MGST2: variants seen among roughly 807,000 people sequenced by gnomAD.
The protein encoded by MGST2 is glutathione peroxidase MGST2.
A neutral mutation model predicts 16.6 loss-of-function variants in MGST2; 9 were observed. That is an observed-to-expected ratio of 0.54 (90% confidence interval 0.33 to 0.95). The LOEUF (loss-of-function observed/expected upper bound fraction) is 0.95, where lower values mean the gene tolerates loss of function less well. Among genes scored for constraint, MGST2 ranks in the 40% least tolerant of loss-of-function variants. The pLI is 0.03. For missense variants in MGST2, 159 were observed against 175.1 expected, an observed-to-expected ratio of 0.91 and a Z score of 0.52; for synonymous variants, 79 against 68.0, an observed-to-expected ratio of 1.16 and a Z score of -0.79.
At chr4:139,746,293 AT>A in the MGST2 span, among the ~76,000 whole-genome samples, 2 of 152,262 alleles carry the variant, frequency 1.3e-5, no homozygotes, top group Non-Finnish European at 2.9e-5. Flanking sequence ...TTCTAACAAA[AT>A]AATTCATCAG....
intron 5 of MGST2, among the ~76,000 whole-genome samples, chr4:139,732,143 T>G (rs1728750203): frequency 6.6e-6 from 1 of 152,236 alleles, no homozygotes; most frequent in Admixed American, 6.5e-5. Context: ...ATTTAAAAAT[T>G]TTTAAATCCA....
At chr4:139,723,950 A>G (rs1353427629) in intron 5 of MGST2, among the ~76,000 whole-genome samples, 1 of 152,230 alleles carries the variant, frequency 6.6e-6, no homozygotes, top group East Asian at 1.9e-4. Context: ...TGGTGCTTTC[A>G]GTGCAGGCTA....
downstream of MGST2, among the ~76,000 whole-genome samples, chr4:139,745,484 A>C (rs1400747517): frequency 1.3e-5 from 2 of 152,164 alleles, no homozygotes; most frequent in Admixed American, 1.3e-4. Context: ...GAGATTTGGC[A>C]CTTGACTGTG....
At chr4:139,707,822 T>G (rs1320838367), downstream of MGST2, among the ~76,000 whole-genome samples, 1 of 152,160 alleles carries the variant, frequency 6.6e-6, no homozygotes, top group African/African-American at 2.4e-5. Flanking sequence ...ATGAGCATTT[T>G]TTCATGTATT....
downstream of MGST2, among the ~76,000 whole-genome samples, chr4:139,743,983 C>G (rs1729239567): frequency 6.6e-6 from 1 of 152,240 alleles, no homozygotes; most frequent in East Asian, 1.9e-4. Context: ...CTGCCATGGT[C>G]ATTGTCACTA....
chr4:139,748,355 C>T, the MGST2 span, among the ~76,000 whole-genome samples: 1 of 152,118 alleles, frequency 6.6e-6, no homozygotes, highest in Admixed American at 6.5e-5. Flanking sequence ...GCTCACACCC[C>T]AAAACAGAGT....
At chr4:139,696,207 A>G (rs942186881) in intron 3 of MGST2, among the ~76,000 whole-genome samples, 1 of 152,214 alleles carries the variant, frequency 6.6e-6, no homozygotes, top group Admixed American at 6.5e-5. Context: ...AGGGTGGCAG[A>G]GTCAGAAAAG....
chr4:139,748,790 G>A, the MGST2 span, among the ~76,000 whole-genome samples: 2 of 152,102 alleles, frequency 1.3e-5, no homozygotes. Context: ...CAGTAGAAAG[G>A]CAGGGAAAAG....
the MGST2 span, among the ~76,000 whole-genome samples, chr4:139,753,780 T>C: frequency 6.6e-6 from 1 of 152,106 alleles, no homozygotes; most frequent in South Asian, 2.1e-4. Flanking sequence ...ATCTCTCCTT[T>C]CTCTCATGCA....
At chr4:139,737,557 AT>A (rs142347866) in intron 5 of MGST2, among the ~76,000 whole-genome samples, 2 of 151,762 alleles carry the variant, frequency 1.3e-5, no homozygotes, top group African/African-American at 4.8e-5. Context: ...AATATGCATC[AT>A]TTTTTTTAAT....
At chr4:139,730,507 C>T (rs769896163) in intron 5 of MGST2, 38 of 1,556,362 alleles carry the variant, frequency 2.4e-5, no homozygotes, top group South Asian at 5.9e-5. Flanking sequence ...CAACTGGGCC[C>T]GCTGATCAAT....
At chr4:139,703,778 A>C (rs1727402274) in intron 4 of MGST2, among the ~76,000 whole-genome samples, 1 of 152,254 alleles carries the variant, frequency 6.6e-6, no homozygotes, top group African/African-American at 2.4e-5. Flanking sequence ...CATTGTCTCC[A>C]GAAAGTTACC....
the MGST2 span, among the ~76,000 whole-genome samples, chr4:139,752,249 G>A: frequency 6.6e-6 from 1 of 152,194 alleles, no homozygotes; most frequent in African/African-American, 2.4e-5. Flanking sequence ...CAGAACTATG[G>A]TGTGCCATCA....
chr4:139,714,545 C>T (rs968244176), intron 5 of MGST2, among the ~76,000 whole-genome samples: 5 of 152,096 alleles, frequency 3.3e-5, no homozygotes, highest in Admixed American at 2.0e-4. Context: ...GCAAAATACG[C>T]GTAATAAAAC....
chr4:139,751,293 T>C, the MGST2 span, among the ~76,000 whole-genome samples: 4 of 152,180 alleles, frequency 2.6e-5, no homozygotes, highest in Non-Finnish European at 5.9e-5. Flanking sequence ...TCCAAAATAT[T>C]TGGGATCAGA....
rs1293029266 is a variant in MGST2 at position 139,735,058 on chromosome 4, C to G, written c.*49-5154C>G. Among the ~76,000 whole-genome samples, 1 of 152,208 alleles carries G rather than the reference C, an allele frequency of 6.6e-6. No individual in the cohort carries two copies. The highest frequency in any genetic ancestry group is 1.5e-5 in the Non-Finnish European group (1 of 68,034). On this transcript the variant is annotated intron_variant, in intron 5 of 5. Coordinates refer to the MGST2 transcript ENST00000616265. The surrounding 1 kb of genome is among the most constrained non-coding windows in gnomAD (Gnocchi z 5.8). The stretch of plus-strand genomic sequence containing the variant: ...CCTCGCAGATGGCTTAATCAGGGCT[C>G]CCGCCCGCCCCTCCGCGGCCCCCGC...
At chr4:139,668,996 A>C (rs2602253) in intron 1 of MGST2, among the ~76,000 whole-genome samples, 86,920 of 151,678 alleles carry the variant, frequency 0.57, 26,632 homozygotes, top group East Asian at 0.86. Flanking sequence ...TCACTTTGAC[A>C]AAGGCCTGTG....
rs1236085372 is a variant in MGST2 at position 139,704,142 on chromosome 4, A to G, written c.438A>G (p.Gln146=). 1 of 1,614,208 alleles carries G rather than the reference A, an allele frequency of 6.2e-7. No homozygotes were observed. Among genetic ancestry groups the G allele is most frequent in the Non-Finnish European group, 8.5e-7 (1 of 1,180,028 alleles). The change falls in exon 5 of 5, where the codon CAA becomes CAG. Residue 146 remains glutamine (Q), a synonymous_variant. Transcript: ENST00000265498. Reference sequence around the variant, plus strand: ...ATATTGCCAAGAAACTGAGGCGGCAATTCTAACTTTTTCTCTTCCCTTTAA... The same window carrying G: ...ATATTGCCAAGAAACTGAGGCGGCAGTTCTAACTTTTTCTCTTCCCTTTAA... ...DLNIAKKLRR[Q]F
At position 139,668,758 on chromosome 4, in the gene MGST2, G is replaced by C. The variant is rs115705063; in HGVS notation, c.58+2681G>C. Among the ~76,000 whole-genome samples, 877 of 152,274 alleles carry C rather than the reference G, an allele frequency of 5.8e-3. 6 individuals are homozygous for C. Among genetic ancestry groups the C allele is most frequent in the Non-Finnish European group, 8.5e-3 (580 of 68,022 alleles). ...TACAGGCTGGGGTATGTACAGGTAT[G>C]GGCAGGAGGGTTTTGGGCAGTATGG... On this transcript the variant is annotated intron_variant, in intron 1 of 4. Coordinates refer to ENST00000265498, the MANE Select transcript of MGST2 (RefSeq NM_002413.5).
Sources: allele counts gnomAD v4.1 joint callset (sites outside exome capture counted in the v4.1 genomes callset), GRCh38; gene constraint gnomAD v4.1.1; non-coding constraint Gnocchi (gnomAD v3.1); transcripts MANE v1.5; gene names NCBI Gene and HGNC (gene_info 2026-07-23, HGNC 2026-07-21).